PSMC1: variants seen among roughly 807,000 people sequenced by gnomAD.
The protein encoded by PSMC1 is 26S proteasome regulatory subunit 4.
In PSMC1, 5 loss-of-function variants were observed where a neutral mutation model predicts 49.8. The observed-to-expected ratio is 0.10, with a 90% CI of 0.05 to 0.21. PSMC1 has a LOEUF of 0.21. Ranked by LOEUF, PSMC1 falls within the 10% of genes least tolerant of loss-of-function variation. PSMC1 has a pLI of 1.00. For missense variants in PSMC1, 181 were observed against 535.7 expected (o/e 0.34, Z 6.54); for synonymous variants, 155 against 192.1 (o/e 0.81, Z 1.60).
In PSMC1 at chr14:90,262,986, T is replaced by C. The variant is rs180843117; in HGVS notation, c.155-332T>C. ...ACTGCCTGAGCAACATATGTAACTT[T>C]TTATTAGTACCTATGGGAAAAAATA... On this transcript the variant is annotated intron_variant, in intron 3 of 10. Transcript: ENST00000261303. Among the ~76,000 whole-genome samples, 287 of 152,286 alleles carry C rather than the reference T, an allele frequency of 1.9e-3. 1 individual carries two copies. The highest frequency in any genetic ancestry group is 6.7e-3 in the African/African-American group (279 of 41,570).
chr14:90,260,534 A>G (rs1014802655), intron 3 of PSMC1, among the ~76,000 whole-genome samples: 4 of 152,220 alleles, frequency 2.6e-5, no homozygotes, highest in African/African-American at 2.4e-5. Flanking sequence ...GATTGAGACC[A>G]TCCTGGCAAA....
chr14:90,262,028 T>C, intron 3 of PSMC1, among the ~76,000 whole-genome samples: 1 of 151,678 alleles, frequency 6.6e-6, no homozygotes, highest in Non-Finnish European at 1.5e-5. Flanking sequence ...AAACCATCAT[T>C]CTGAGCAAGC....
chr14:90,260,360 G>A, intron 3 of PSMC1, 149 bp downstream of exon 3: 2 of 626,054 alleles, frequency 3.2e-6, no homozygotes, highest in Non-Finnish European at 5.6e-6. Context: ...ACTCTTGAGT[G>A]TGGCATTCCT....
At chr14:90,261,961 A>ATG (rs1566671977) in intron 3 of PSMC1, among the ~76,000 whole-genome samples, 2 of 151,954 alleles carry the variant, frequency 1.3e-5, no homozygotes, top group East Asian at 3.9e-4. Flanking sequence ...ATGGAATACT[A>ATG]TGCAGCCATA....
In PSMC1 at chr14:90,263,508, A is replaced by G. The variant is rs1891442462; in HGVS notation, c.279+66A>G. Reference sequence around the variant, plus strand: ...GAATTCTATAAAATTGTCAACAAATAAATGAAATTCAAGTAGCTGAACCTG... The same window carrying G: ...GAATTCTATAAAATTGTCAACAAATGAATGAAATTCAAGTAGCTGAACCTG... On this transcript the variant is annotated intron_variant, in intron 4 of 10. Transcript: ENST00000261303. 4 of 1,494,062 alleles carry G rather than the reference A, an allele frequency of 2.7e-6. No homozygotes were observed. In the Admixed American group the frequency reaches 9.1e-5, roughly 34 times the overall value. The allele number at this position is 1,494,062 out of a possible 1,614,324, so 92.6% of individuals were successfully genotyped here.
chr14:90,258,972 A>G (rs1443150325), intron 1 of PSMC1, among the ~76,000 whole-genome samples, 188 bp from the exon 2 acceptor site: 3 of 152,234 alleles, frequency 2.0e-5, no homozygotes, highest in Non-Finnish European at 2.9e-5. Context: ...CTTTTCAGGG[A>G]AAAAGAAATT....
chr14:90,263,814 G>A lies in PSMC1; in HGVS notation c.432G>A (p.Leu144=), dbSNP rs888807443. 8 of 1,614,042 alleles carry A rather than the reference G, an allele frequency of 5.0e-6. No homozygotes were observed. Among genetic ancestry groups the A allele is most frequent in the South Asian group, 4.4e-5 (4 of 91,092 alleles). ...TTTCATTTGTAGACAAGGATCTGCTGGAACCTGGCTGCTCGGTCCTGCTCA... is the reference window on the plus strand; with the variant it reads ...TTTCATTTGTAGACAAGGATCTGCTAGAACCTGGCTGCTCGGTCCTGCTCA... ...SILSFVDKDL[L]EPGCSVLLNH... The change falls in exon 5 of 11, where the codon CTG becomes CTA. Residue 144 remains leucine, a synonymous_variant. Transcript: ENST00000261303.
intron 8 of PSMC1, chr14:90,268,935 G>A (rs1192304180): frequency 6.2e-6 from 1 of 160,208 alleles, no homozygotes; most frequent in Non-Finnish European, 1.4e-5. Flanking sequence ...TCAAGGCACT[G>A]GCATTGATGT....
intron 6 of PSMC1, 122 bp downstream of exon 6, chr14:90,264,291 G>A: frequency 1.5e-6 from 2 of 1,368,064 alleles, no homozygotes; most frequent in East Asian, 4.9e-5. Context: ...CTGAGTCAGA[G>A]CTTGCCAGTT....
Position 90,269,500 on chromosome 14 carries a change from A to G in PSMC1, c.985A>G (p.Met329Val). Residue 329 changes from methionine to valine, a missense_variant, in exon 9 of 11, where the codon ATG (methionine) becomes GTG (valine). Coordinates refer to ENST00000261303, the MANE Select transcript of PSMC1 (RefSeq NM_002802.3). ...FDSRGDVKVI[M>V]ATNRIETLDP... is the part of the protein sequence containing the mutation. ...TTCTAGGGGAGATGTGAAAGTTATC[A>G]TGGCCACAAACCGAATAGAAACTTT... 2 of 1,614,066 alleles carry G rather than the reference A, an allele frequency of 1.2e-6. No homozygotes were observed. The highest frequency in any genetic ancestry group is 1.7e-6 in the Non-Finnish European group (2 of 1,180,002).
Position 90,274,833 on chromosome 14 carries a change from CA to C in PSMC1, c.*2427del, listed in dbSNP as rs1368488866. 8,048 of 91,042 alleles carry C rather than the reference CA, an allele frequency of 0.088. 328 individuals carry two copies. Among genetic ancestry groups the C allele is most frequent in the East Asian group, 0.23 (746 of 3,260 alleles). 5.6% of individuals were successfully genotyped at this position (91,042 alleles called of 1,614,324 possible). ...ACACACACACACACACACACACACA[CA>C]CACACCCCAATACATATGAATTGAT... On this transcript the variant is annotated 3_prime_UTR_variant, in exon 11 of 11. Coordinates refer to ENST00000261303, the MANE Select transcript of PSMC1 (RefSeq NM_002802.3).
At position 90,272,264 on chromosome 14, in the gene PSMC1, T is replaced by A. The variant is rs769590644; in HGVS notation, c.1189-9T>A. 1 of 1,601,994 alleles carries A rather than the reference T, an allele frequency of 6.2e-7. No individual in the cohort carries two copies. ...TGTCACTTTCTGAACACACTCTTCT[T>A]TCTTACAGGCAATCTGTACAGAAGC... is the stretch of plus-strand genomic sequence containing the variant. On this transcript the variant is annotated splice_polypyrimidine_tract_variant and intron_variant, in intron 10 of 10. Coordinates refer to ENST00000261303, the MANE Select transcript of PSMC1 (RefSeq NM_002802.3). The surrounding 1 kb of genome is among the most constrained non-coding windows in gnomAD (Gnocchi z 4.5).
At chr14:90,259,484 G>GTAT (rs2139641592) in intron 2 of PSMC1, among the ~76,000 whole-genome samples, 1 of 152,228 alleles carries the variant, frequency 6.6e-6, no homozygotes, top group African/African-American at 2.4e-5. Context: ...TATAATTTTG[G>GTAT]TGTCTAATAG....
In PSMC1 at chr14:90,259,114, T is replaced by C. The variant is rs79460083; in HGVS notation, c.4-46T>C. 1,573 of 1,584,160 alleles carry C rather than the reference T, an allele frequency of 9.9e-4. 17 individuals are homozygous for C. In the African/African-American group the frequency reaches 0.019, roughly 20 times the overall value. ...ACAGTATAAAGTTATTCTTTTGAAG[T>C]GATCATATTCTGAATTTACATCTGT... On this transcript the variant is annotated intron_variant, in intron 1 of 10. Coordinates refer to ENST00000261303, the MANE Select transcript of PSMC1 (RefSeq NM_002802.3).
chr14:90,272,673 C>A lies in PSMC1; in HGVS notation c.*266C>A. The A allele has an allele frequency of 3.3e-6, 1 of 298,554 alleles. No individual in the cohort carries two copies. Among genetic ancestry groups the A allele is most frequent in the Non-Finnish European group, 6.6e-6 (1 of 152,606 alleles). 18.5% of individuals were successfully genotyped at this position (298,554 alleles called of 1,614,324 possible). On this transcript the variant is annotated 3_prime_UTR_variant, in exon 11 of 11. Transcript: ENST00000261303. This position sits in a 1 kb window ranked among gnomAD's most constrained non-coding sequence, Gnocchi z 4.5. ...CACACACCTACCGCTCAACAGCAGCCTGTGGGTGGACCCAGCTACAGGGAA... is the reference window on the plus strand; with the variant it reads ...CACACACCTACCGCTCAACAGCAGCATGTGGGTGGACCCAGCTACAGGGAA...
rs1891779829 is a variant in PSMC1, at chr14:90,275,308, T to A, written c.*2901T>A. ...GTCCATGCTGACTTCCTGTTCAGTG[T>A]CTGTATCGTGGGCGGGTAGCAGACT... On this transcript the variant is annotated 3_prime_UTR_variant, in exon 11 of 11. Coordinates refer to ENST00000261303, the MANE Select transcript of PSMC1 (RefSeq NM_002802.3). The A allele has an allele frequency of 6.6e-6, 1 of 152,150 alleles. No individual in the cohort carries two copies. The highest frequency in any genetic ancestry group is 2.1e-4 in the South Asian group (1 of 4,816). 9.4% of individuals were successfully genotyped at this position (152,150 alleles called of 1,614,324 possible).
intron 7 of PSMC1, among the ~76,000 whole-genome samples, chr14:90,266,716 G>A (rs1401525974): frequency 2.0e-5 from 3 of 152,192 alleles, no homozygotes; most frequent in East Asian, 1.9e-4. Context: ...CCCTCTGACC[G>A]CAGAAGCAGC....
chr14:90,268,629 A>G (rs1396739275), intron 8 of PSMC1: 1 of 515,988 alleles, frequency 1.9e-6, no homozygotes, highest in Non-Finnish European at 3.4e-6. Context: ...ATGAATAACC[A>G]TGTCTTGAGC....
At chr14:90,262,011 A>C (rs992130745) in intron 3 of PSMC1, among the ~76,000 whole-genome samples, 5 of 152,028 alleles carry the variant, frequency 3.3e-5, no homozygotes, top group Non-Finnish European at 5.9e-5. Context: ...GACATGGATG[A>C]AGCTGGAAAC....
Sources: gnomAD v4.1 joint callset for allele counts (sites outside exome capture counted in the v4.1 genomes callset) on GRCh38, gnomAD v4.1.1 for gene constraint, Gnocchi (gnomAD v3.1) non-coding constraint, MANE v1.5 for transcripts, NCBI Gene and HGNC (gene_info 2026-07-23, HGNC 2026-07-21) for gene names.